The following EFCAB6 variants were observed in gnomAD, a reference collection of about 807,000 sequenced individuals.
EFCAB6 encodes EF-hand calcium-binding domain-containing protein 6.
A neutral mutation model predicts 169.8 loss-of-function variants in EFCAB6; 156 were observed. That is an observed-to-expected ratio of 0.92 (90% CI 0.81 to 1.05). The LOEUF (loss-of-function observed/expected upper bound fraction) is 1.05, where lower values mean the gene tolerates loss of function less well. Ranked by LOEUF, EFCAB6 falls within the 50% of genes least tolerant of loss-of-function variation. The pLI is 0.00. For synonymous variants in EFCAB6, 698 were observed against 676.4 expected (o/e 1.03, Z -0.50); for missense variants, 1,800 against 1,829.1 (o/e 0.98, Z 0.29).
chr22:43,666,942 C>T (rs554298628), intron 17 of EFCAB6, among the ~76,000 whole-genome samples, 162 bp downstream of exon 17: 3 of 143,328 alleles, frequency 2.1e-5, no homozygotes, highest in Admixed American at 7.5e-5. Flanking sequence ...GTGCCAATGA[C>T]AATTTTTTGG....
At chr22:43,662,489 G>T (rs1024822298) in intron 17 of EFCAB6, among the ~76,000 whole-genome samples, 1 of 152,098 alleles carries the variant, frequency 6.6e-6, no homozygotes, top group Admixed American at 6.5e-5. Flanking sequence ...ATGAACAACA[G>T]CATGCATGCT....
chr22:43,774,583 C>T (rs2061579860), intron 3 of EFCAB6, among the ~76,000 whole-genome samples: 1 of 151,488 alleles, frequency 6.6e-6, no homozygotes, highest in African/African-American at 2.4e-5. Context: ...GGAGGTGATT[C>T]GGTAACTGGG....
chr22:43,641,241 TCTGA>T (rs1221553457), intron 17 of EFCAB6, among the ~76,000 whole-genome samples: 1 of 152,162 alleles, frequency 6.6e-6, no homozygotes, highest in Non-Finnish European at 1.5e-5. Context: ...GAATCCTGAG[TCTGA>T]CTAAGAAAGC....
chr22:43,741,994 G>A (rs1015004982), intron 6 of EFCAB6, among the ~76,000 whole-genome samples: 2 of 152,052 alleles, frequency 1.3e-5, no homozygotes, highest in Middle Eastern at 3.4e-3. Context: ...GGGAAAAACC[G>A]CTGAACCGGT....
intron 12 of EFCAB6, among the ~76,000 whole-genome samples, chr22:43,681,157 T>C (rs1399574824): frequency 6.6e-6 from 1 of 152,238 alleles, no homozygotes; most frequent in Non-Finnish European, 1.5e-5. Flanking sequence ...TTGTGGAAAG[T>C]TATTATCATA....
At chr22:43,715,266 C>A (rs1306316266) in intron 9 of EFCAB6, among the ~76,000 whole-genome samples, 2 of 152,144 alleles carry the variant, frequency 1.3e-5, no homozygotes, top group Admixed American at 1.3e-4. Context: ...GGGTTAAGGG[C>A]AGGGACTGGA....
Position 43,755,765 on chromosome 22 carries a change from C to G in EFCAB6, c.507+1G>C. On this transcript the variant is annotated splice_donor_variant, in intron 6 of 31. Coordinates refer to ENST00000262726, the MANE Select transcript of EFCAB6 (RefSeq NM_022785.4). LOFTEE classifies it high-confidence loss of function. ...AATCATTTCTTTAAAATCTCTATTA[C>G]CTTTTCTCCCACTTGGATTTCAAGT... The G allele has an allele frequency of 1.2e-6, 2 of 1,605,928 alleles. No individual in the cohort carries two copies. Among genetic ancestry groups the G allele is most frequent in the Non-Finnish European group, 8.5e-7 (1 of 1,177,180 alleles).
At chr22:43,797,020 G>A (rs1266056505) in intron 2 of EFCAB6, among the ~76,000 whole-genome samples, 2 of 152,162 alleles carry the variant, frequency 1.3e-5, no homozygotes, top group East Asian at 1.9e-4. Flanking sequence ...TTGCTGATGT[G>A]ATATATATGA....
At chr22:43,563,075 C>T (rs371890817) in intron 26 of EFCAB6, among the ~76,000 whole-genome samples, 2 of 152,184 alleles carry the variant, frequency 1.3e-5, no homozygotes, top group African/African-American at 4.8e-5. Flanking sequence ...CCTTGTTCAG[C>T]GCCTCACAGG....
intron 8 of EFCAB6, among the ~76,000 whole-genome samples, chr22:43,729,197 G>A (rs977459341): frequency 3.9e-5 from 6 of 152,164 alleles, no homozygotes; most frequent in African/African-American, 1.4e-4. Context: ...TATTTATGAG[G>A]AATCTACCCC....
intron 17 of EFCAB6, among the ~76,000 whole-genome samples, chr22:43,661,887 C>T (rs966338257): frequency 1.3e-5 from 2 of 152,100 alleles, no homozygotes; most frequent in Non-Finnish European, 1.5e-5. Context: ...GAGGCCGAGG[C>T]GGGTGGATCA....
intron 28 of EFCAB6, among the ~76,000 whole-genome samples, chr22:43,538,231 C>T (rs921939825): frequency 1.3e-5 from 2 of 152,168 alleles, no homozygotes; most frequent in Admixed American, 1.3e-4. Flanking sequence ...CTCTCCCTCA[C>T]CCTCTCCATC....
rs186481019 is a variant in EFCAB6, at chr22:43,796,027, C to A, written c.-8+12968G>T. ...AAACACACACACCACAGACCACTTA[C>A]CCCCCACAGACACACACACCACACA... On this transcript the variant is annotated intron_variant, in intron 2 of 31. Transcript: ENST00000262726. Among the ~76,000 whole-genome samples, 56 of 150,130 alleles carry A rather than the reference C, an allele frequency of 3.7e-4. 1 individual carries two copies. In the East Asian group the frequency reaches 8.7e-3, roughly 23 times the overall value.
chr22:43,529,376 G>C lies in EFCAB6; in HGVS notation c.4384-401C>G, dbSNP rs1359374330. ...GGAGGGCAGGGCCAGTGGGTGCTGA[G>C]TGCAGAGAGTTGCTGTGATAAGACC... On this transcript the variant is annotated intron_variant, in intron 31 of 31. Coordinates refer to ENST00000262726, the MANE Select transcript of EFCAB6 (RefSeq NM_022785.4). 2.0e-5 allele frequency among the ~76,000 whole-genome samples: 3 copies of C among 152,312 alleles called. No homozygotes were observed. The East Asian group carries it at 5.8e-4, about 29-fold the overall frequency.
chr22:43,676,678 T>C (rs2147042161), intron 13 of EFCAB6, among the ~76,000 whole-genome samples: 1 of 152,312 alleles, frequency 6.6e-6, no homozygotes, highest in East Asian at 1.9e-4. Context: ...ACCTCCAGAA[T>C]GTTGGTAGAA....
intron 10 of EFCAB6, among the ~76,000 whole-genome samples, chr22:43,700,572 C>G (rs559062680): frequency 6.6e-6 from 1 of 152,188 alleles, no homozygotes; most frequent in African/African-American, 2.4e-5. Flanking sequence ...TTCCCACACT[C>G]GGGAGACAGA....
At chr22:43,661,102 C>T (rs1180598468) in intron 17 of EFCAB6, among the ~76,000 whole-genome samples, 3 of 152,148 alleles carry the variant, frequency 2.0e-5, no homozygotes, top group East Asian at 1.9e-4. Flanking sequence ...CGGCTAGGCG[C>T]GGTGGCTCAC....
intron 17 of EFCAB6, among the ~76,000 whole-genome samples, chr22:43,664,689 C>T (rs1457452327): frequency 3.3e-5 from 5 of 152,164 alleles, no homozygotes; most frequent in African/African-American, 1.2e-4. Flanking sequence ...GAAGAGCCAG[C>T]CTCTGTCTGA....
At chr22:43,798,043 G>A (rs1331787631) in intron 2 of EFCAB6, among the ~76,000 whole-genome samples, 2 of 152,086 alleles carry the variant, frequency 1.3e-5, no homozygotes, top group East Asian at 3.9e-4. Context: ...AGATTGCTGG[G>A]CCCACTCCAG....
Sources: allele counts gnomAD v4.1 joint callset (sites outside exome capture counted in the v4.1 genomes callset), GRCh38; gene constraint gnomAD v4.1.1; transcripts MANE v1.5; gene names NCBI Gene and HGNC (gene_info 2026-07-23, HGNC 2026-07-21).